Variants in MOB3B observed in about 807,000 individuals in gnomAD.
MOB3B encodes MOB kinase activator 3B.
In MOB3B, 7 loss-of-function variants were observed where a neutral mutation model predicts 18.7. That is an observed-to-expected ratio of 0.37 (90% CI 0.21 to 0.70). The LOEUF (loss-of-function observed/expected upper bound fraction) is 0.70. Ranked by LOEUF, MOB3B falls within the 30% of genes least tolerant of loss-of-function variation. MOB3B has a pLI of 0.52. For missense variants in MOB3B, 253 were observed against 281.3 expected (o/e 0.90, Z 0.72); for synonymous variants, 111 against 99.9 (o/e 1.11, Z -0.66).
At chr9:27,451,072 T>G (rs182459680) in intron 2 of MOB3B, among the ~76,000 whole-genome samples, 1 of 152,308 alleles carries the variant, frequency 6.6e-6, no homozygotes, top group East Asian at 1.9e-4. Context: ...AACCCATGAG[T>G]TGGAGGACCT....
chr9:27,527,622 C>T (rs1040190143), intron 1 of MOB3B, among the ~76,000 whole-genome samples: 1 of 152,186 alleles, frequency 6.6e-6, no homozygotes, highest in Non-Finnish European at 1.5e-5. Context: ...CCTCTTTCTT[C>T]CCCTGGGTTG....
intron 2 of MOB3B, among the ~76,000 whole-genome samples, chr9:27,408,433 A>G (rs1358122275): frequency 2.0e-5 from 3 of 152,136 alleles, no homozygotes; most frequent in African/African-American, 7.2e-5. Flanking sequence ...CGTATTTTCT[A>G]CCAACATGTG....
intron 1 of MOB3B, among the ~76,000 whole-genome samples, chr9:27,518,356 A>T (rs1041475814): frequency 6.6e-6 from 1 of 152,194 alleles, no homozygotes; most frequent in African/African-American, 2.4e-5. Flanking sequence ...AAAGAGAAGG[A>T]TTATTCTGGT....
chr9:27,436,964 G>A (rs1436410062), intron 2 of MOB3B, among the ~76,000 whole-genome samples: 2 of 149,976 alleles, frequency 1.3e-5, no homozygotes, highest in African/African-American at 2.5e-5. Flanking sequence ...GCAAAGGCTC[G>A]GGGAAAGGGA....
intron 1 of MOB3B, among the ~76,000 whole-genome samples, chr9:27,521,699 T>A (rs1199778726): frequency 6.6e-6 from 1 of 152,204 alleles, no homozygotes; most frequent in Non-Finnish European, 1.5e-5. Flanking sequence ...TGTGTGTGTG[T>A]GTGTGTGTGT....
intron 3 of MOB3B, among the ~76,000 whole-genome samples, chr9:27,334,461 G>C (rs1820834566): frequency 6.6e-6 from 1 of 152,168 alleles, no homozygotes; most frequent in Admixed American, 6.5e-5. Context: ...AGTTTTTGTG[G>C]GGACGGTGGG....
At chr9:27,495,809 G>A (rs560609613) in intron 1 of MOB3B, among the ~76,000 whole-genome samples, 1 of 152,318 alleles carries the variant, frequency 6.6e-6, no homozygotes, top group African/African-American at 2.4e-5. Context: ...GAACTATCAG[G>A]AAAGATTAAT....
intron 2 of MOB3B, among the ~76,000 whole-genome samples, chr9:27,362,346 C>T (rs1821285218): frequency 6.6e-6 from 1 of 152,142 alleles, no homozygotes; most frequent in African/African-American, 2.4e-5. Flanking sequence ...AGTTTAAAAT[C>T]CAGTCGAGTC....
At position 27,327,102 on chromosome 9, in the gene MOB3B, C is replaced by T. The variant is rs1191810037; in HGVS notation, c.*3485G>A. 1 of 152,296 alleles carries T rather than the reference C, an allele frequency of 6.6e-6. No individual in the cohort carries two copies. Among genetic ancestry groups the T allele is most frequent in the Non-Finnish European group, 1.5e-5 (1 of 68,086 alleles). The allele number at this position is 152,296 out of a possible 1,614,324, so 9.4% of individuals were successfully genotyped here. A position where few individuals can be genotyped will look rare whatever the true frequency, so the allele number is the denominator to read the frequency against. ...ACGTATTGCCTGCACATGGAAACTT[C>T]CTTCTTCCCCTCCCTCCTGTTATAT... On this transcript the variant is annotated 3_prime_UTR_variant, in exon 4 of 4. Coordinates refer to ENST00000262244, the MANE Select transcript of MOB3B (RefSeq NM_024761.5).
At chr9:27,501,766 CAAAA>C (rs36090681) in intron 1 of MOB3B, among the ~76,000 whole-genome samples, 18 of 129,290 alleles carry the variant, frequency 1.4e-4, no homozygotes, top group Admixed American at 1.5e-4. Context: ...GACTCTGTCT[CAAAA>C]AAAAAAAAAA....
At chr9:27,522,695 T>C (rs923397414) in intron 1 of MOB3B, among the ~76,000 whole-genome samples, 1 of 151,998 alleles carries the variant, frequency 6.6e-6, no homozygotes, top group African/African-American at 2.4e-5. Flanking sequence ...ATCATCATTA[T>C]TTCTGGGGAA....
chr9:27,505,419 G>A (rs1820043917), intron 1 of MOB3B, among the ~76,000 whole-genome samples: 1 of 152,212 alleles, frequency 6.6e-6, no homozygotes, highest in South Asian at 2.1e-4. Flanking sequence ...TCCCGTGAAT[G>A]TGGGAAGTAC....
At chr9:27,341,073 G>T (rs1202352823) in intron 3 of MOB3B, among the ~76,000 whole-genome samples, 1 of 152,220 alleles carries the variant, frequency 6.6e-6, no homozygotes, top group East Asian at 1.9e-4. Context: ...GAGGGCAGGG[G>T]AAGGAATTCT....
intron 1 of MOB3B, among the ~76,000 whole-genome samples, chr9:27,504,431 C>CCCA (rs1293213103): frequency 6.6e-6 from 1 of 152,208 alleles, no homozygotes; most frequent in African/African-American, 2.4e-5. Flanking sequence ...TGCTCTTCAG[C>CCCA]CCACACTACA....
At chr9:27,377,505 C>A (rs182482674) in intron 2 of MOB3B, among the ~76,000 whole-genome samples, 1 of 152,268 alleles carries the variant, frequency 6.6e-6, no homozygotes, top group Admixed American at 6.5e-5. Context: ...ACACCTAGAC[C>A]AGTGTTCTCA....
chr9:27,480,521 T>G (rs1030920149), intron 1 of MOB3B, among the ~76,000 whole-genome samples: 1 of 152,112 alleles, frequency 6.6e-6, no homozygotes, highest in Non-Finnish European at 1.5e-5. Flanking sequence ...AGGATGGTCT[T>G]GATCTCCTGA....
chr9:27,354,747 C>T (rs144360126), intron 3 of MOB3B, among the ~76,000 whole-genome samples: 8 of 152,262 alleles, frequency 5.3e-5, no homozygotes, highest in African/African-American at 1.9e-4. Flanking sequence ...ATATTCCCAG[C>T]CCTCAAAGAG....
chr9:27,427,436 C>T (rs1464129114), intron 2 of MOB3B, among the ~76,000 whole-genome samples: 8 of 152,326 alleles, frequency 5.3e-5, no homozygotes, highest in African/African-American at 1.9e-4. Flanking sequence ...GAGATGTCTG[C>T]AAGGACAAGG....
intron 1 of MOB3B, among the ~76,000 whole-genome samples, chr9:27,509,295 A>G (rs1447875940): frequency 6.6e-6 from 1 of 152,164 alleles, no homozygotes; most frequent in Non-Finnish European, 1.5e-5. Context: ...GAAGGAAGAC[A>G]GGGAGAGAGA....
Sources: gnomAD v4.1 joint callset for allele counts (sites outside exome capture counted in the v4.1 genomes callset) on GRCh38, gnomAD v4.1.1 for gene constraint, MANE v1.5 for transcripts, NCBI Gene and HGNC (gene_info 2026-07-23, HGNC 2026-07-21) for gene names.